The following ELOVL7 variants were observed in gnomAD, a reference collection of about 807,000 sequenced individuals.
ELOVL7 encodes very long chain fatty acid elongase 7.
A neutral mutation model predicts 35.7 loss-of-function variants in ELOVL7; 27 were observed. The ratio of observed to expected loss-of-function variants is 0.76; its 90% confidence interval spans 0.56 to 1.04. The LOEUF (loss-of-function observed/expected upper bound fraction) is 1.04. Ranked by LOEUF, ELOVL7 falls within the 50% of genes least tolerant of loss-of-function variation. ELOVL7 has a pLI of 0.00. For missense variants in ELOVL7, 327 were observed against 340.8 expected (o/e 0.96, Z 0.32); for synonymous variants, 113 against 114.6 (o/e 0.99, Z 0.09).
Position 60,757,623 on chromosome 5 carries a change from G to A in ELOVL7, c.522C>T (p.Ala174=). The A allele has an allele frequency of 1.3e-6, 2 of 1,588,054 alleles. No homozygotes were observed. Among genetic ancestry groups the A allele is most frequent in the Middle Eastern group, 1.7e-4 (1 of 5,976 alleles). The change falls in exon 8 of 9, where the codon GCC becomes GCT. Residue 174 remains alanine, a synonymous_variant. Transcript: ENST00000508821. ...FAAGGLGTFH[A]LLNTAVHVVM... ...CTACATGTACAGCTGTATTTAGAAG[G>A]GCATGGAATGTTCCCAAACCACCTG...
chr5:60,773,231 C>G (rs1470307709), intron 3 of ELOVL7, among the ~76,000 whole-genome samples: 1 of 152,104 alleles, frequency 6.6e-6, no homozygotes, highest in Non-Finnish European at 1.5e-5. Flanking sequence ...GGACAAGTTC[C>G]CAGAAGGACC....
rs34086506 is a variant in ELOVL7 at position 60,807,992 on chromosome 5, C to CAA, written c.-85-8764_-85-8763dup. Among the ~76,000 whole-genome samples, 139 of 42,414 alleles carry CAA rather than the reference C, an allele frequency of 3.3e-3. 19 individuals carry two copies. The highest frequency in any genetic ancestry group is 4.7e-3 in the Non-Finnish European group (107 of 22,890). 27.8% of individuals were successfully genotyped at this position (42,414 alleles called of 152,430 possible). Reference sequence around the variant, plus strand: ...CCAGCCTGGGCGTGAGACTCCGTCTCAAAAAAAAAAAAAAAAAAAAAAAAA... The same window carrying CAA: ...CCAGCCTGGGCGTGAGACTCCGTCTCAAAAAAAAAAAAAAAAAAAAAAAAAAA... On this transcript the variant is annotated intron_variant, in intron 1 of 8. Transcript: ENST00000508821.
At chr5:60,800,599 A>C (rs948683659) in intron 1 of ELOVL7, among the ~76,000 whole-genome samples, 1 of 152,206 alleles carries the variant, frequency 6.6e-6, no homozygotes, top group African/African-American at 2.4e-5. Context: ...TGTTTGTTTT[A>C]AAAAATAGAA....
chr5:60,819,975 C>T (rs935819316), intron 1 of ELOVL7, among the ~76,000 whole-genome samples: 10 of 152,090 alleles, frequency 6.6e-5, no homozygotes, highest in African/African-American at 2.4e-4. Flanking sequence ...ATGTTGGGCC[C>T]GATGTAATCA....
At chr5:60,829,405 A>G (rs942028221) in intron 1 of ELOVL7, among the ~76,000 whole-genome samples, 3 of 152,202 alleles carry the variant, frequency 2.0e-5, no homozygotes, top group Admixed American at 6.5e-5. Context: ...CTATATTTCT[A>G]AAGTCAGCAT....
At chr5:60,795,524 T>A (rs1423950926) in intron 2 of ELOVL7, among the ~76,000 whole-genome samples, 1 of 152,166 alleles carries the variant, frequency 6.6e-6, no homozygotes, top group African/African-American at 2.4e-5. Context: ...CCTCCCATTG[T>A]ATGGGAGCTC....
chr5:60,768,736 A>G (rs924168928), intron 4 of ELOVL7: 5 of 455,268 alleles, frequency 1.1e-5, no homozygotes, highest in Admixed American at 7.1e-5. Context: ...TAACACATAT[A>G]TGAAATTGTT....
intron 2 of ELOVL7, among the ~76,000 whole-genome samples, chr5:60,795,678 G>A (rs1322084803): frequency 2.6e-5 from 4 of 152,314 alleles, no homozygotes; most frequent in Non-Finnish European, 2.9e-5. Context: ...TCCGGATCCG[G>A]CAGGGTGTCC....
At chr5:60,773,257 C>T (rs887263568) in intron 3 of ELOVL7, among the ~76,000 whole-genome samples, 1 of 152,156 alleles carries the variant, frequency 6.6e-6, no homozygotes, top group Admixed American at 6.5e-5. Flanking sequence ...CAAAATTATG[C>T]CATGACTAAC....
chr5:60,769,956 T>G (rs181456232), intron 4 of ELOVL7, among the ~76,000 whole-genome samples: 22 of 149,598 alleles, frequency 1.5e-4, no homozygotes, highest in African/African-American at 5.4e-4. Flanking sequence ...GAGGCTGAGG[T>G]GGGAGGATCA....
In ELOVL7 at chr5:60,844,262, C is replaced by A. The variant is rs968184855; in HGVS notation, c.-188G>T. 1 of 151,988 alleles carries A rather than the reference C, an allele frequency of 6.6e-6. No individual in the cohort carries two copies. The highest frequency in any genetic ancestry group is 2.4e-5 in the African/African-American group (1 of 41,432). The allele number at this position is 151,988 out of a possible 1,614,324, so 9.4% of individuals were successfully genotyped here. A position where few individuals can be genotyped will look rare whatever the true frequency, so the allele number is the denominator to read the frequency against. ...TCACAGCGGCCCCCGCTGTCCCGGC[C>A]GCCGACTGGGTTGGAAAGGGGAGGA... On this transcript the variant is annotated 5_prime_UTR_variant, in exon 1 of 9. Transcript: ENST00000508821.
At chr5:60,756,930 A>G (rs1351001611) in intron 8 of ELOVL7, among the ~76,000 whole-genome samples, 4 of 152,180 alleles carry the variant, frequency 2.6e-5, no homozygotes, top group Non-Finnish European at 4.4e-5. Flanking sequence ...TTTGAGAATT[A>G]ATGCTTAGAA....
intron 1 of ELOVL7, among the ~76,000 whole-genome samples, chr5:60,800,383 A>C (rs921995806): frequency 6.6e-6 from 1 of 152,224 alleles, no homozygotes; most frequent in Non-Finnish European, 1.5e-5. Flanking sequence ...GACCAAAACC[A>C]CATAATCATT....
chr5:60,807,165 T>G lies in ELOVL7; in HGVS notation c.-85-7935A>C, dbSNP rs543346041. 1.1e-4 allele frequency among the ~76,000 whole-genome samples: 16 copies of G among 148,080 alleles called. 1 individual carries two copies. Among genetic ancestry groups the G allele is most frequent in the Admixed American group, 1.1e-3 (16 of 14,858 alleles). On this transcript the variant is annotated intron_variant, in intron 1 of 8. Coordinates refer to ENST00000508821, the MANE Select transcript of ELOVL7 (RefSeq NM_024930.3). ...AAACAGACTAACAATCCTAATTTTG[T>G]TTTTTTTTTCTCCAGGTGGTGAATG...
chr5:60,844,036 A>C (rs1404607004), intron 1 of ELOVL7, 124 bp downstream of exon 1: 1 of 152,148 alleles, frequency 6.6e-6, no homozygotes, highest in East Asian at 1.9e-4. Flanking sequence ...CGCCGCGCCC[A>C]AGTTCCTCCA....
intron 6 of ELOVL7, 141 bp downstream of exon 6, chr5:60,766,433 G>A: frequency 1.6e-6 from 1 of 628,308 alleles, no homozygotes; most frequent in South Asian, 2.6e-5. Flanking sequence ...GATAACAGTA[G>A]GTCTGCCTGA....
intron 1 of ELOVL7, among the ~76,000 whole-genome samples, chr5:60,821,045 C>T (rs938991955): frequency 6.6e-6 from 1 of 152,118 alleles, no homozygotes; most frequent in Admixed American, 6.5e-5. Flanking sequence ...TAATTACTGC[C>T]TAGTTCACTT....
chr5:60,753,578 A>G lies in ELOVL7; in HGVS notation c.*1046T>C, dbSNP rs1397164747. 6.6e-6 allele frequency: 1 copy of G among 152,104 alleles called. No homozygotes were observed. 9.4% of individuals were successfully genotyped at this position (152,104 alleles called of 1,614,324 possible). Reference sequence around the variant, plus strand: ...TCCCCTGGATATTCTCTGTGCCACAATTTGCCTCTAGTTGCTTCACAGCCA... The same window carrying G: ...TCCCCTGGATATTCTCTGTGCCACAGTTTGCCTCTAGTTGCTTCACAGCCA... On this transcript the variant is annotated 3_prime_UTR_variant, in exon 9 of 9. Transcript: ENST00000508821.
chr5:60,842,155 G>A (rs1486781773), intron 1 of ELOVL7, among the ~76,000 whole-genome samples: 4 of 152,216 alleles, frequency 2.6e-5, no homozygotes, highest in Non-Finnish European at 5.9e-5. Flanking sequence ...AAGGGCATAT[G>A]TGTTCAAAGT....
Sources: gnomAD v4.1 joint callset for allele counts (sites outside exome capture counted in the v4.1 genomes callset) on GRCh38, gnomAD v4.1.1 for gene constraint, MANE v1.5 for transcripts, NCBI Gene and HGNC (gene_info 2026-07-23, HGNC 2026-07-21) for gene names.